The following COL23A1 variants were observed in gnomAD, a reference collection of about 807,000 sequenced individuals.
COL23A1 encodes collagen type XXIII alpha 1 chain, also known as collagen alpha-1(XXIII) chain.
Under a neutral mutation model 99.3 loss-of-function variants are expected in COL23A1, and 97 were observed. That is an observed-to-expected ratio of 0.98 (90% CI 0.83 to 1.16). COL23A1 has a LOEUF of 1.16. Ranked by LOEUF, COL23A1 falls within the 50% of genes most tolerant of loss-of-function variation. The pLI, the probability that COL23A1 is intolerant of heterozygous loss-of-function variation, is 0.00. For missense variants in COL23A1, 762 were observed against 757.4 expected, an observed-to-expected ratio of 1.01 and a Z score of -0.07; for synonymous variants, 320 against 308.2, an observed-to-expected ratio of 1.04 and a Z score of -0.40.
At chr5:178,474,898 A>G (rs1261223885) in intron 2 of COL23A1, among the ~76,000 whole-genome samples, 1 of 152,230 alleles carries the variant, frequency 6.6e-6, no homozygotes, top group Admixed American at 6.5e-5. Context: ...GGAGGACAGA[A>G]GTCCAAAATC....
intron 2 of COL23A1, among the ~76,000 whole-genome samples, chr5:178,330,103 A>AG (rs1759927086): frequency 6.6e-6 from 1 of 152,132 alleles, no homozygotes; most frequent in African/African-American, 2.4e-5. Flanking sequence ...GAGAGTATTC[A>AG]GGGGGGAGAG....
Position 178,370,156 on chromosome 5 carries a change from T to A in COL23A1, c.362-63237A>T, listed in dbSNP as rs150728964. 7.2e-3 allele frequency among the ~76,000 whole-genome samples: 1,095 copies of A among 152,338 alleles called. 4 individuals carry two copies. The highest frequency in any genetic ancestry group is 0.023 in the South Asian group (113 of 4,824). ...TCACTTATGCATGACCCTCTTGAGA[T>A]GTGCAGTCTGGATGGAATCAAAGGA... On this transcript the variant is annotated intron_variant, in intron 2 of 28. Transcript: ENST00000390654.
intron 7 of COL23A1, among the ~76,000 whole-genome samples, 172 bp downstream of exon 7, chr5:178,268,558 T>C (rs1190236310): frequency 6.6e-6 from 1 of 152,170 alleles, no homozygotes; most frequent in African/African-American, 2.4e-5. Context: ...ATGTAAGCCT[T>C]GTAATCATTT....
intron 16 of COL23A1, 119 bp from the exon 17 acceptor site, chr5:178,252,716 T>C: frequency 1.2e-6 from 1 of 825,734 alleles, no homozygotes; most frequent in Non-Finnish European, 1.9e-6. Flanking sequence ...AGGGGCAGGG[T>C]CCTTGGGGAC....
chr5:178,365,134 T>C lies in COL23A1; in HGVS notation c.362-58215A>G, dbSNP rs1215401852. Among the ~76,000 whole-genome samples, 1 of 113,970 alleles carries C rather than the reference T, an allele frequency of 8.8e-6. No individual in the cohort carries two copies. Among genetic ancestry groups the C allele is most frequent in the East Asian group, 2.3e-4 (1 of 4,442 alleles). The allele number at this position is 113,970 out of a possible 152,430, so 74.8% of individuals were successfully genotyped here. A position where few individuals can be genotyped will look rare whatever the true frequency, so the allele number is the denominator to read the frequency against. On this transcript the variant is annotated intron_variant, in intron 2 of 28. Coordinates refer to ENST00000390654, the MANE Select transcript of COL23A1 (RefSeq NM_173465.4). This position sits in a 1 kb window ranked among gnomAD's most constrained non-coding sequence, Gnocchi z 5.2. ...GTGGGCTTTATGATGTTGCTGTGTG[T>C]GCGTGTGTGTGTGTGTGTGTGTGTG...
intron 1 of COL23A1, among the ~76,000 whole-genome samples, chr5:178,569,054 C>T (rs1038302400): frequency 2.0e-5 from 3 of 152,218 alleles, no homozygotes; most frequent in African/African-American, 7.2e-5. Context: ...CAACGTATGA[C>T]AGTTCCAATT....
intron 3 of COL23A1, among the ~76,000 whole-genome samples, chr5:178,299,060 G>A (rs1322003350): frequency 6.6e-6 from 1 of 152,126 alleles, no homozygotes; most frequent in African/African-American, 2.4e-5. Context: ...TCCTTTGCTT[G>A]TATTGTTGAG....
intron 2 of COL23A1, among the ~76,000 whole-genome samples, chr5:178,418,955 G>A (rs541994488): frequency 6.6e-6 from 1 of 152,208 alleles, no homozygotes; most frequent in Non-Finnish European, 1.5e-5. Context: ...AGCCCCAGGA[G>A]AGCAAGGACT....
intron 2 of COL23A1, among the ~76,000 whole-genome samples, chr5:178,504,207 C>T (rs976372552): frequency 4.6e-5 from 7 of 152,120 alleles, no homozygotes; most frequent in Non-Finnish European, 1.0e-4. Flanking sequence ...CCCCGACCCC[C>T]GATTTCCGAT....
At chr5:178,574,568 G>C (rs1460266141) in intron 1 of COL23A1, among the ~76,000 whole-genome samples, 1 of 152,168 alleles carries the variant, frequency 6.6e-6, no homozygotes, top group African/African-American at 2.4e-5. Context: ...CCCGGGAAAT[G>C]TTTGGAAGCC....
At chr5:178,242,742 A>C (rs879924445) in intron 25 of COL23A1, among the ~76,000 whole-genome samples, 35 of 152,190 alleles carry the variant, frequency 2.3e-4, no homozygotes, top group Non-Finnish European at 3.4e-4. Context: ...AAGTTATGTC[A>C]CTGTCTGATG....
At chr5:178,569,190 A>G (rs1375078811) in intron 1 of COL23A1, among the ~76,000 whole-genome samples, 2 of 152,218 alleles carry the variant, frequency 1.3e-5, no homozygotes, top group Admixed American at 6.5e-5. Flanking sequence ...TCATCTGTAT[A>G]TCCTGTTTGA....
chr5:178,380,289 AT>A (rs1763308829), intron 2 of COL23A1, among the ~76,000 whole-genome samples: 2 of 152,224 alleles, frequency 1.3e-5, no homozygotes, highest in South Asian at 4.2e-4. Context: ...GGTGACCTAG[AT>A]GAGGGGGTCC....
In COL23A1 at chr5:178,295,954, C is replaced by T. The variant is rs972302303; in HGVS notation, c.407-5585G>A. ...AAGGAAGTGGTCATCAGGGTTGCTT[C>T]TGAGTAGGGGGGCCAAATGGCCAGA... On this transcript the variant is annotated intron_variant, in intron 3 of 28. Coordinates refer to ENST00000390654, the MANE Select transcript of COL23A1 (RefSeq NM_173465.4). Among the ~76,000 whole-genome samples the T allele has an allele frequency of 7.9e-5, 12 of 152,348 alleles. No individual in the cohort carries two copies. The South Asian group carries it at 2.3e-3, about 29-fold the overall frequency.
At chr5:178,258,599 G>A (rs1005332522) in intron 12 of COL23A1, among the ~76,000 whole-genome samples, 6 of 151,882 alleles carry the variant, frequency 4.0e-5, no homozygotes, top group South Asian at 2.1e-4. Context: ...GTTTCACCGC[G>A]TTAGCCAGGA....
chr5:178,314,233 C>T (rs954437201), intron 2 of COL23A1, among the ~76,000 whole-genome samples: 6 of 152,288 alleles, frequency 3.9e-5, no homozygotes, highest in East Asian at 1.9e-4. Flanking sequence ...TTACGTCCCC[C>T]CCAGAGTCAT....
At chr5:178,260,275 G>A (rs1032538136) in intron 11 of COL23A1, among the ~76,000 whole-genome samples, 1 of 152,200 alleles carries the variant, frequency 6.6e-6, no homozygotes, top group African/African-American at 2.4e-5. Flanking sequence ...TCCTTCAGTC[G>A]GTGAGTGGGT....
At chr5:178,470,258 T>A (rs886707638) in intron 2 of COL23A1, among the ~76,000 whole-genome samples, 3 of 152,202 alleles carry the variant, frequency 2.0e-5, no homozygotes, top group Non-Finnish European at 4.4e-5. Flanking sequence ...CTGTCCCTCC[T>A]GGTCCGCTAC....
At chr5:178,265,031 G>A (rs1160688590) in intron 8 of COL23A1, among the ~76,000 whole-genome samples, 3 of 152,274 alleles carry the variant, frequency 2.0e-5, no homozygotes, top group East Asian at 1.9e-4. Context: ...TGGGGTGGGG[G>A]ATTATTTGCC....
Sources: allele counts gnomAD v4.1 joint callset (sites outside exome capture counted in the v4.1 genomes callset), GRCh38; gene constraint gnomAD v4.1.1; non-coding constraint Gnocchi (gnomAD v3.1); transcripts MANE v1.5; gene names NCBI Gene and HGNC (gene_info 2026-07-23, HGNC 2026-07-21).